The following ZNF578 variants were observed in gnomAD, a reference collection of about 807,000 sequenced individuals.
The protein encoded by ZNF578 is zinc finger protein 578, also known as Putative chemokine-related protein B42.
Under a neutral mutation model 8.3 loss-of-function variants are expected in ZNF578, and 8 were observed. That is an observed-to-expected ratio of 0.96 (90% CI 0.56 to 1.74). The LOEUF (loss-of-function observed/expected upper bound fraction) is 1.74, where lower values mean the gene tolerates loss of function less well. ZNF578 is among the 40% of genes most tolerant of loss of function. ZNF578 has a pLI of 0.00. For missense variants in ZNF578, 726 were observed against 707.5 expected, an observed-to-expected ratio of 1.03 and a Z score of -0.30; for synonymous variants, 206 against 232.2, an observed-to-expected ratio of 0.89 and a Z score of 1.03.
Position 52,514,904 on chromosome 19 carries a change from ACCCGACTCAGCCT to A in ZNF578, c.*2754_*2766del, listed in dbSNP as rs1223966124. ...TCTCAAACTCCTGACCTCGCGATCC[ACCCGACTCAGCCT>A]CCCACTGTGATGGGATTACAGGCAT... On this transcript the variant is annotated 3_prime_UTR_variant, in exon 6 of 6. Coordinates refer to ENST00000421239, the MANE Select transcript of ZNF578 (RefSeq NM_001099694.2). Among the ~76,000 whole-genome samples the A allele has an allele frequency of 1.4e-5, 2 of 142,186 alleles. No individual in the cohort carries two copies. Among genetic ancestry groups the A allele is most frequent in the East Asian group, 4.2e-4 (2 of 4,744 alleles). The allele number at this position is 142,186 out of a possible 152,430, so 93.3% of individuals were successfully genotyped here.
intron 2 of ZNF578, among the ~76,000 whole-genome samples, chr19:52,459,346 A>T (rs1299889344): frequency 6.6e-6 from 1 of 152,084 alleles, no homozygotes; most frequent in Non-Finnish European, 1.5e-5. Context: ...GGAATCACAT[A>T]GTATTTGTCC....
intron 2 of ZNF578, among the ~76,000 whole-genome samples, chr19:52,459,996 A>G (rs2059252838): frequency 6.7e-6 from 1 of 148,968 alleles, no homozygotes; most frequent in Non-Finnish European, 1.5e-5. Flanking sequence ...CAATCTGTTG[A>G]CCTCGTGATC....
At chr19:52,490,155 A>T (rs1252540134) in intron 2 of ZNF578, among the ~76,000 whole-genome samples, 1 of 152,124 alleles carries the variant, frequency 6.6e-6, no homozygotes, top group Non-Finnish European at 1.5e-5. Flanking sequence ...TACACATTCT[A>T]TGTCTTATAT....
chr19:52,508,352 T>G (rs201218877), intron 5 of ZNF578, among the ~76,000 whole-genome samples: 1 of 149,508 alleles, frequency 6.7e-6, no homozygotes, highest in East Asian at 2.0e-4. Context: ...ACAAAAGAAA[T>G]AGAGAGAGAG....
In ZNF578 at chr19:52,512,004, T is replaced by G; in HGVS notation, c.1623T>G (p.Cys541Trp). 6.2e-7 allele frequency: 1 copy of G among 1,614,110 alleles called. No homozygotes were observed. Among genetic ancestry groups the G allele is most frequent in the Non-Finnish European group, 8.5e-7 (1 of 1,180,006 alleles). The change falls in exon 6 of 6, where the codon TGT becomes TGG. Residue 541 changes from cysteine (C) to tryptophan (W), a missense_variant. Coordinates refer to ENST00000421239, the MANE Select transcript of ZNF578 (RefSeq NM_001099694.2). ...RLHTGEKPYK[C>W]KVCDKAFMCH... is the part of the protein sequence containing the mutation. ...ATACTGGAGAGAAACCTTACAAATG[T>G]AAGGTTTGTGACAAGGCTTTCATGT...
intron 2 of ZNF578, among the ~76,000 whole-genome samples, chr19:52,466,585 G>A (rs2059275881): frequency 6.6e-6 from 1 of 152,030 alleles, no homozygotes. Context: ...ATGAACAGTT[G>A]ATACATTTCA....
At chr19:52,482,335 A>G (rs1291902101) in intron 2 of ZNF578, among the ~76,000 whole-genome samples, 2 of 149,106 alleles carry the variant, frequency 1.3e-5, no homozygotes, top group Admixed American at 6.7e-5. Context: ...CGCCCAGCCC[A>G]TAGTAGATTT....
intron 2 of ZNF578, among the ~76,000 whole-genome samples, chr19:52,490,662 G>C (rs1437088913): frequency 6.6e-6 from 1 of 150,916 alleles, no homozygotes; most frequent in Non-Finnish European, 1.5e-5. Flanking sequence ...TTTTGAGACG[G>C]AGTCTTGCTC....
Position 52,513,537 on chromosome 19 carries a change from T to A in ZNF578, c.*1383T>A, listed in dbSNP as rs1195496666. Among the ~76,000 whole-genome samples, 4 of 143,500 alleles carry A rather than the reference T, an allele frequency of 2.8e-5. No homozygotes were observed. The highest frequency in any genetic ancestry group is 1.0e-4 in the African/African-American group (4 of 40,044). 94.1% of individuals were successfully genotyped at this position (143,500 alleles called of 152,430 possible). ...CAAAGTCAGGAGATTGAGACCGTCC[T>A]GGCTAACACGGTGAAACCTCGTCTC... On this transcript the variant is annotated 3_prime_UTR_variant, in exon 6 of 6. Transcript: ENST00000421239.
intron 4 of ZNF578, 134 bp from the exon 5 acceptor site, chr19:52,504,521 A>G: frequency 6.6e-7 from 1 of 1,523,774 alleles, no homozygotes; most frequent in Non-Finnish European, 8.8e-7. Flanking sequence ...AAAAAATTCA[A>G]AAATACCTTA....
intron 2 of ZNF578, among the ~76,000 whole-genome samples, chr19:52,466,647 AGTT>A (rs1316602923): frequency 6.6e-6 from 1 of 152,240 alleles, no homozygotes; most frequent in Non-Finnish European, 1.5e-5. Flanking sequence ...ATTTTTAAGA[AGTT>A]GTTGAAAAAC....
At chr19:52,498,230 C>T (rs2122919484) in intron 3 of ZNF578, among the ~76,000 whole-genome samples, 1 of 152,148 alleles carries the variant, frequency 6.6e-6, no homozygotes, top group East Asian at 1.9e-4. Flanking sequence ...GATCTCAGCT[C>T]TCTGCAACCT....
chr19:52,490,568 A>G (rs1953099533), intron 2 of ZNF578, among the ~76,000 whole-genome samples: 1 of 152,214 alleles, frequency 6.6e-6, no homozygotes, highest in Admixed American at 6.5e-5. Context: ...CACTAGTTAA[A>G]TTCAGTAAGT....
intron 2 of ZNF578, among the ~76,000 whole-genome samples, chr19:52,459,765 A>ATTTTTT (rs1198856912): frequency 1.4e-4 from 1 of 7,390 alleles, no homozygotes; most frequent in African/African-American, 3.0e-4. Flanking sequence ...ATATATATAT[A>ATTTTTT]TATATTTTTT....
chr19:52,498,571 G>T (rs1397671763), intron 3 of ZNF578, among the ~76,000 whole-genome samples: 1 of 151,804 alleles, frequency 6.6e-6, no homozygotes, highest in Admixed American at 6.6e-5. Flanking sequence ...TTTTAGTAGA[G>T]ACGTGATGTC....
chr19:52,466,554 A>G (rs1217569295), intron 2 of ZNF578, among the ~76,000 whole-genome samples: 1 of 152,154 alleles, frequency 6.6e-6, no homozygotes, highest in African/African-American at 2.4e-5. Context: ...AAATAGAAAA[A>G]TGTTGATGAA....
rs1212044614 is a variant in ZNF578, at chr19:52,474,268, T to A, written c.-121-17056T>A. 1.3e-5 allele frequency: 4 copies of A among 301,988 alleles called. No individual in the cohort carries two copies. The Admixed American group carries it at 1.7e-4, about 13-fold the overall frequency. 18.7% of individuals were successfully genotyped at this position (301,988 alleles called of 1,614,324 possible). Reference sequence around the variant, plus strand: ...TCTCTCCAGTATGAATTCTTCGATGTCATACAAGGTATGAAAGTTGACTAA... The same window carrying A: ...TCTCTCCAGTATGAATTCTTCGATGACATACAAGGTATGAAAGTTGACTAA... On this transcript the variant is annotated intron_variant, in intron 2 of 5. Transcript: ENST00000421239.
chr19:52,507,031 T>C (rs148598287), intron 5 of ZNF578, among the ~76,000 whole-genome samples: 11 of 152,292 alleles, frequency 7.2e-5, no homozygotes, highest in Admixed American at 5.2e-4. Flanking sequence ...GGTGGGTAGA[T>C]GGCTTGAGGT....
intron 3 of ZNF578, among the ~76,000 whole-genome samples, chr19:52,497,626 T>C (rs558198058): frequency 6.6e-6 from 1 of 152,346 alleles, no homozygotes; most frequent in African/African-American, 2.4e-5. Context: ...TCTGTGAAAT[T>C]GTGTTCAGTT....
Sources: gnomAD v4.1 joint callset for allele counts (sites outside exome capture counted in the v4.1 genomes callset) on GRCh38, gnomAD v4.1.1 for gene constraint, MANE v1.5 for transcripts, NCBI Gene and HGNC (gene_info 2026-07-23, HGNC 2026-07-21) for gene names.